The following PPP1R9A variants were observed in gnomAD, a reference collection of about 807,000 sequenced individuals.
PPP1R9A encodes protein phosphatase 1 regulatory subunit 9A.
A neutral mutation model predicts 141.9 loss-of-function variants in PPP1R9A; 59 were observed. The ratio of observed to expected loss-of-function variants is 0.42; its 90% CI spans 0.34 to 0.52. The LOEUF (loss-of-function observed/expected upper bound fraction) is 0.52, where lower values mean the gene tolerates loss of function less well. PPP1R9A is among the 20% of genes least tolerant of loss of function. The pLI is 0.10. For missense variants in PPP1R9A, 1,444 were observed against 1,611.9 expected, an observed-to-expected ratio of 0.90 and a Z score of 1.78; for synonymous variants, 500 against 569.7, an observed-to-expected ratio of 0.88 and a Z score of 1.74.
chr7:95,268,610 C>G lies in PPP1R9A; in HGVS notation c.2726C>G (p.Ala909Gly). ...RLDSKALKTR[A>G]QLSVKNRRQR... is the part of the protein sequence containing the mutation. ...GATTCAAAAGCACTGAAAACTCGAGCCCAGCTCTCTGTGAAGAACAGACGC... is the reference window on the plus strand; with the variant it reads ...GATTCAAAAGCACTGAAAACTCGAGGCCAGCTCTCTGTGAAGAACAGACGC... Residue 909 changes from alanine (A) to glycine (G), a missense_variant, in exon 13 of 20, where the codon GCC becomes GGC. This residue lies in a region of PPP1R9A where 488 missense variants were observed against 542.0 expected (regional missense o/e 0.90). Transcript: ENST00000433360. The G allele has an allele frequency of 6.2e-7, 1 of 1,613,502 alleles. No homozygotes were observed. The highest frequency in any genetic ancestry group is 1.7e-4 in the Middle Eastern group (1 of 6,054).
chr7:95,061,150 A>G (rs2152074979), intron 2 of PPP1R9A, among the ~76,000 whole-genome samples: 1 of 152,284 alleles, frequency 6.6e-6, no homozygotes, highest in East Asian at 1.9e-4. Context: ...GGGGACTCCT[A>G]AGTCCAGATA....
At chr7:95,207,315 A>G (rs1311973217) in intron 7 of PPP1R9A, among the ~76,000 whole-genome samples, 1 of 152,194 alleles carries the variant, frequency 6.6e-6, no homozygotes, top group Non-Finnish European at 1.5e-5. Flanking sequence ...CTCCAATTGC[A>G]TATAACTTAT....
At chr7:95,063,449 C>T (rs568169432) in intron 2 of PPP1R9A, among the ~76,000 whole-genome samples, 1 of 152,150 alleles carries the variant, frequency 6.6e-6, no homozygotes, top group South Asian at 2.1e-4. Flanking sequence ...CCTGTTATCC[C>T]AGCTACTTGG....
At chr7:95,034,573 G>A (rs1048509823) in intron 2 of PPP1R9A, among the ~76,000 whole-genome samples, 3 of 151,910 alleles carry the variant, frequency 2.0e-5, no homozygotes, top group Admixed American at 1.3e-4. Context: ...AGCTGGTCTC[G>A]AACTCCTGAC....
intron 4 of PPP1R9A, among the ~76,000 whole-genome samples, chr7:95,132,505 C>A (rs1824840573): frequency 6.6e-6 from 1 of 152,128 alleles, no homozygotes; most frequent in East Asian, 1.9e-4. Flanking sequence ...ATATGTTGAA[C>A]CAACTGTCAT....
chr7:94,936,750 C>G (rs1794811975), intron 2 of PPP1R9A, among the ~76,000 whole-genome samples: 1 of 151,682 alleles, frequency 6.6e-6, no homozygotes, highest in African/African-American at 2.4e-5. Context: ...TCTAAACATA[C>G]TGGTGGGAAA....
At chr7:94,968,023 C>T (rs890023520) in intron 2 of PPP1R9A, among the ~76,000 whole-genome samples, 15 of 152,136 alleles carry the variant, frequency 9.9e-5, no homozygotes, top group Non-Finnish European at 2.1e-4. Flanking sequence ...TCAAGTCTCC[C>T]ACTATTATTG....
chr7:95,143,579 T>G (rs1024204981), intron 4 of PPP1R9A, among the ~76,000 whole-genome samples: 1 of 152,100 alleles, frequency 6.6e-6, no homozygotes, highest in African/African-American at 2.4e-5. Flanking sequence ...AGAGGTGATT[T>G]TATTGGTATT....
chr7:95,260,087 A>T (rs1402317138), intron 12 of PPP1R9A, among the ~76,000 whole-genome samples: 1 of 152,194 alleles, frequency 6.6e-6, no homozygotes, highest in Admixed American at 6.5e-5. Flanking sequence ...TTAATGAACA[A>T]GCCAAGTGAA....
intron 2 of PPP1R9A, among the ~76,000 whole-genome samples, chr7:94,977,875 G>T (rs1477004927): frequency 6.6e-6 from 1 of 150,450 alleles, no homozygotes; most frequent in Non-Finnish European, 1.5e-5. Flanking sequence ...CGATTCTTCT[G>T]CCTCAGCCTC....
intron 2 of PPP1R9A, among the ~76,000 whole-genome samples, chr7:94,958,747 A>C (rs1259586328): frequency 6.6e-6 from 1 of 152,068 alleles, no homozygotes; most frequent in Non-Finnish European, 1.5e-5. Context: ...TTCATTAAAA[A>C]TTGTAACTTG....
chr7:95,131,630 T>C (rs1434656651), intron 4 of PPP1R9A, among the ~76,000 whole-genome samples: 1 of 151,794 alleles, frequency 6.6e-6, no homozygotes, highest in South Asian at 2.1e-4. Flanking sequence ...AGGTTCTATA[T>C]GAATTTTAAC....
chr7:95,203,866 T>A, intron 7 of PPP1R9A, 136 bp downstream of exon 7: 1 of 562,816 alleles, frequency 1.8e-6, no homozygotes, highest in Non-Finnish European at 2.9e-6. Context: ...GTGCATTGAA[T>A]AATAGTTTGA....
intron 8 of PPP1R9A, among the ~76,000 whole-genome samples, chr7:95,229,708 TATA>T (rs1393302023): frequency 1.3e-5 from 2 of 152,014 alleles, no homozygotes; most frequent in Non-Finnish European, 1.5e-5. Context: ...AGACAAAGGT[TATA>T]ATCTCTTGGG....
chr7:95,087,847 A>G (rs974580122), intron 2 of PPP1R9A, among the ~76,000 whole-genome samples: 2 of 151,520 alleles, frequency 1.3e-5, no homozygotes, highest in African/African-American at 4.9e-5. Flanking sequence ...GTGAGCCGAG[A>G]TCGTGCCACT....
chr7:95,028,943 T>C (rs1203187392), intron 2 of PPP1R9A, among the ~76,000 whole-genome samples: 1 of 152,192 alleles, frequency 6.6e-6, no homozygotes, highest in Non-Finnish European at 1.5e-5. Flanking sequence ...GAAAAGTCTA[T>C]TTGCAGATTG....
intron 2 of PPP1R9A, among the ~76,000 whole-genome samples, chr7:94,981,246 T>TA (rs1420892839): frequency 6.6e-6 from 1 of 152,128 alleles, no homozygotes; most frequent in African/African-American, 2.4e-5. Context: ...TTTATTTATT[T>TA]TTTTTGAGAC....
chr7:95,251,874 T>A lies in PPP1R9A; in HGVS notation c.2493+16T>A, dbSNP rs1382271797. 2.5e-6 allele frequency: 4 copies of A among 1,612,530 alleles called. No homozygotes were observed. Among genetic ancestry groups the A allele is most frequent in the South Asian group, 1.1e-5 (1 of 90,858 alleles). On this transcript the variant is annotated intron_variant, in intron 11 of 19. Transcript: ENST00000433360. ...CCAAGTGCGGGTAAGTTGTGTTCCC[T>A]AAGACACTAAATAATAAGATGGTTT... is the stretch of plus-strand genomic sequence containing the variant.
At position 95,207,419 on chromosome 7, in the gene PPP1R9A, A is replaced by G. The variant is rs372487298; in HGVS notation, c.1956+3689A>G. Among the ~76,000 whole-genome samples the G allele has an allele frequency of 4.6e-5, 7 of 152,258 alleles. No homozygotes were observed. In the East Asian group the frequency reaches 9.6e-4, roughly 21 times the overall value. ...GAGATGTATGAAGTAATAAAACATA[A>G]CTTTGGTACCAAAAGCTAACAATGA... is the stretch of plus-strand genomic sequence containing the variant. On this transcript the variant is annotated intron_variant, in intron 7 of 19. Coordinates refer to ENST00000433360, the MANE Select transcript of PPP1R9A (RefSeq NM_001166160.2).
Sources: gnomAD v4.1 joint callset for allele counts (sites outside exome capture counted in the v4.1 genomes callset) on GRCh38, gnomAD v4.1.1 for gene constraint, gnomAD v4.1.1 regional missense constraint, MANE v1.5 for transcripts, NCBI Gene and HGNC (gene_info 2026-07-23, HGNC 2026-07-21) for gene names.